The following EVI5 variants were observed in gnomAD, a reference collection of about 807,000 sequenced individuals.
EVI5 encodes ecotropic viral integration site 5 protein homolog.
EVI5 carries 73 observed loss-of-function variants against 112.0 expected under a neutral mutation model. The ratio of observed to expected loss-of-function variants is 0.65; its 90% confidence interval spans 0.54 to 0.79. The LOEUF (loss-of-function observed/expected upper bound fraction) is 0.79. Ranked by LOEUF, EVI5 falls within the 30% of genes least tolerant of loss-of-function variation. The pLI is 0.00. For missense variants in EVI5, 900 were observed against 968.8 expected (o/e 0.93, Z 0.94); for synonymous variants, 305 against 319.9 (o/e 0.95, Z 0.50).
chr1:92,710,978 G>A (rs1202388183), intron 2 of EVI5, among the ~76,000 whole-genome samples: 1 of 152,164 alleles, frequency 6.6e-6, no homozygotes, highest in Non-Finnish European at 1.5e-5. Context: ...CTTTGCTTCT[G>A]AGAATCAAAA....
chr1:92,608,098 C>T (rs918688990), intron 16 of EVI5, among the ~76,000 whole-genome samples: 12 of 150,774 alleles, frequency 8.0e-5, no homozygotes, highest in African/African-American at 1.5e-4. Context: ...CTGCAGTGAG[C>T]GGAGACTGAG....
intron 2 of EVI5, among the ~76,000 whole-genome samples, chr1:92,706,956 C>T (rs1319489755): frequency 3.3e-5 from 5 of 151,320 alleles, no homozygotes; most frequent in East Asian, 3.9e-4. Context: ...CCGAGGCGGG[C>T]GGATGACCTG....
At chr1:92,741,861 T>C (rs952802216) in intron 1 of EVI5, among the ~76,000 whole-genome samples, 3 of 152,144 alleles carry the variant, frequency 2.0e-5, no homozygotes, top group South Asian at 2.1e-4. Flanking sequence ...GAACTAAAAC[T>C]ATAAAACTTA....
chr1:92,578,286 T>C (rs1461485280), intron 18 of EVI5, among the ~76,000 whole-genome samples: 2 of 152,226 alleles, frequency 1.3e-5, no homozygotes, highest in Non-Finnish European at 2.9e-5. Context: ...ATTTCTTTCT[T>C]TTAGCAAAAC....
chr1:92,703,288 A>G (rs1398298834), intron 4 of EVI5, 107 bp downstream of exon 4: 1 of 684,288 alleles, frequency 1.5e-6, no homozygotes, highest in Non-Finnish European at 2.4e-6. Context: ...TTCACTGCCA[A>G]AGCAACTGAT....
At chr1:92,518,079 G>A (rs1158532696) in intron 19 of EVI5, among the ~76,000 whole-genome samples, 1 of 151,776 alleles carries the variant, frequency 6.6e-6, no homozygotes, top group African/African-American at 2.4e-5. Flanking sequence ...TGTATTTTTT[G>A]TAGAGACGGG....
chr1:92,533,607 G>C (rs1663286706), intron 19 of EVI5, among the ~76,000 whole-genome samples: 1 of 152,118 alleles, frequency 6.6e-6, no homozygotes, highest in African/African-American at 2.4e-5. Context: ...TTTCATCCCA[G>C]GGATGCAAGG....
At chr1:92,731,941 A>T (rs1170053532) in intron 2 of EVI5, 1 of 152,318 alleles carries the variant, frequency 6.6e-6, no homozygotes, top group African/African-American at 2.4e-5. Context: ...ATAATCTTGG[A>T]TCACCGAAAG....
chr1:92,611,352 C>T (rs1651746826), intron 16 of EVI5, among the ~76,000 whole-genome samples: 1 of 151,874 alleles, frequency 6.6e-6, no homozygotes, highest in Non-Finnish European at 1.5e-5. Flanking sequence ...AATCTTCACC[C>T]TATAGTAGTA....
At chr1:92,583,877 T>G (rs924050662) in intron 18 of EVI5, among the ~76,000 whole-genome samples, 5 of 152,144 alleles carry the variant, frequency 3.3e-5, no homozygotes, top group African/African-American at 4.8e-5. Flanking sequence ...GCTATTAACA[T>G]TTACAACATG....
At chr1:92,560,275 T>C (rs1668324566) in intron 19 of EVI5, among the ~76,000 whole-genome samples, 1 of 152,192 alleles carries the variant, frequency 6.6e-6, no homozygotes, top group Non-Finnish European at 1.5e-5. Context: ...CAAACAATGT[T>C]GAGCAAAACA....
At chr1:92,555,623 A>G (rs976788038) in intron 19 of EVI5, among the ~76,000 whole-genome samples, 2 of 152,060 alleles carry the variant, frequency 1.3e-5, no homozygotes, top group African/African-American at 4.8e-5. Context: ...GCCGAGGGGC[A>G]CAGACTGCCT....
chr1:92,767,439 T>C (rs1368819360), intron 1 of EVI5, among the ~76,000 whole-genome samples: 2 of 152,212 alleles, frequency 1.3e-5, no homozygotes, highest in East Asian at 3.8e-4. Context: ...GTTTCAGGTA[T>C]CACTAGTAGT....
chr1:92,538,408 C>T (rs1206466451), intron 19 of EVI5, among the ~76,000 whole-genome samples: 2 of 152,160 alleles, frequency 1.3e-5, no homozygotes, highest in Non-Finnish European at 1.5e-5. Flanking sequence ...TTTAAAAATT[C>T]AAACCTTTAG....
chr1:92,751,026 T>A (rs922087565), intron 1 of EVI5, among the ~76,000 whole-genome samples: 1 of 152,130 alleles, frequency 6.6e-6, no homozygotes, highest in Non-Finnish European at 1.5e-5. Flanking sequence ...GGCGGGCACC[T>A]GTAGTCCCAG....
chr1:92,587,322 G>A (rs1672963507), intron 18 of EVI5, among the ~76,000 whole-genome samples: 1 of 139,112 alleles, frequency 7.2e-6, no homozygotes, highest in Non-Finnish European at 1.6e-5. Context: ...AAAGAAAAAT[G>A]AAAAATATTT....
rs1441099032 is a variant in EVI5, at chr1:92,662,755, T to G, written c.1356A>C (p.Glu452Asp). Residue 452 changes from glutamate to aspartate, a missense_variant, in exon 13 of 20, where the codon GAA becomes GAC. Coordinates refer to ENST00000684568, the MANE Select transcript of EVI5 (RefSeq NM_001350197.2). Reference sequence around the variant, plus strand: ...GGTGCTGGAGCTTCCTGATGGTATTTTCAGCTTGCTCCAGCTTAGCACTGG... The same window carrying G: ...GGTGCTGGAGCTTCCTGATGGTATTGTCAGCTTGCTCCAGCTTAGCACTGG... ...DEASAKLEQA[E>D]NTIRKLQHQQ... 7.8e-7 allele frequency: 1 copy of G among 1,287,366 alleles called. No individual in the cohort carries two copies. Among genetic ancestry groups the G allele is most frequent in the Non-Finnish European group, 1.0e-6 (1 of 988,018 alleles). 79.7% of individuals were successfully genotyped at this position (1,287,366 alleles called of 1,614,324 possible).
intron 18 of EVI5, among the ~76,000 whole-genome samples, chr1:92,585,069 T>G (rs1415425222): frequency 6.6e-6 from 1 of 151,680 alleles, no homozygotes; most frequent in Non-Finnish European, 1.5e-5. Context: ...ATTGAAAATT[T>G]AAAAATTAGC....
intron 18 of EVI5, among the ~76,000 whole-genome samples, chr1:92,575,270 G>A (rs992128159): frequency 6.6e-6 from 1 of 152,138 alleles, no homozygotes; most frequent in African/African-American, 2.4e-5. Flanking sequence ...CACACACACA[G>A]ATTTTTTTCC....
Sources: gnomAD v4.1 joint callset for allele counts (sites outside exome capture counted in the v4.1 genomes callset) on GRCh38, gnomAD v4.1.1 for gene constraint, MANE v1.5 for transcripts, NCBI Gene and HGNC (gene_info 2026-07-23, HGNC 2026-07-21) for gene names.